HCLS1: variants seen among roughly 807,000 people sequenced by gnomAD.
The protein encoded by HCLS1 is hematopoietic lineage cell-specific protein.
A neutral mutation model predicts 68.6 loss-of-function variants in HCLS1; 44 were observed. The ratio of observed to expected loss-of-function variants is 0.64; its 90% CI spans 0.50 to 0.82. The LOEUF is 0.82. Among genes scored for constraint, HCLS1 ranks in the 40% least tolerant of loss-of-function variants. HCLS1 has a pLI of 0.00. For missense variants in HCLS1, 602 were observed against 612.1 expected (o/e 0.98, Z 0.17); for synonymous variants, 217 against 225.8 (o/e 0.96, Z 0.35).
chr3:121,634,836 T>G (rs1055566180), intron 9 of HCLS1, among the ~76,000 whole-genome samples: 1 of 152,272 alleles, frequency 6.6e-6, no homozygotes, highest in African/African-American at 2.4e-5. Context: ...CTTGCTGTGT[T>G]GCCCAGCCTC....
At chr3:121,642,414 A>G (rs1168815057) in intron 6 of HCLS1, among the ~76,000 whole-genome samples, 1 of 152,096 alleles carries the variant, frequency 6.6e-6, no homozygotes, top group Non-Finnish European at 1.5e-5. Context: ...GCTTGCGGTG[A>G]GCCAATATAG....
At position 121,635,807 on chromosome 3, in the gene HCLS1, G is replaced by T. The variant is rs1378641531; in HGVS notation, c.622-3C>A. ...ATTTCATTGAAGCCGACAGCGCTCT[G>T]CAGGCAGGAGAACAGCATGTGTGTT... On this transcript the variant is annotated splice_region_variant and splice_polypyrimidine_tract_variant and intron_variant, in intron 8 of 13. Transcript: ENST00000314583. 6.2e-7 allele frequency: 1 copy of T among 1,613,714 alleles called. No individual in the cohort carries two copies. The highest frequency in any genetic ancestry group is 1.1e-5 in the South Asian group (1 of 91,078).
At chr3:121,658,084 C>T (rs1393405952) in intron 2 of HCLS1, 180 bp downstream of exon 2, 1 of 577,892 alleles carries the variant, frequency 1.7e-6, no homozygotes, top group East Asian at 3.0e-5. Context: ...ATCCCTGATA[C>T]CAGGTATCGT....
At chr3:121,657,180 C>T (rs1937890234) in intron 3 of HCLS1, 99 bp downstream of exon 3, 1 of 932,684 alleles carries the variant, frequency 1.1e-6, no homozygotes, top group Non-Finnish European at 1.7e-6. Flanking sequence ...ACATGAACTA[C>T]CCTATCCTTT....
chr3:121,636,069 C>G (rs1381481594), intron 8 of HCLS1, among the ~76,000 whole-genome samples: 1 of 152,192 alleles, frequency 6.6e-6, no homozygotes, highest in Non-Finnish European at 1.5e-5. Context: ...TGTAGCAGGG[C>G]CCCCTGGCTC....
At chr3:121,640,523 T>A (rs1258630283) in intron 6 of HCLS1, among the ~76,000 whole-genome samples, 1 of 151,810 alleles carries the variant, frequency 6.6e-6, no homozygotes, top group Non-Finnish European at 1.5e-5. Flanking sequence ...AAAGTACATG[T>A]TTAAAATAAT....
In HCLS1 at chr3:121,647,457, A is replaced by C; in HGVS notation, c.159-9T>G. 1 of 1,613,930 alleles carries C rather than the reference A, an allele frequency of 6.2e-7. No individual in the cohort carries two copies. The highest frequency in any genetic ancestry group is 1.1e-5 in the South Asian group (1 of 91,068). On this transcript the variant is annotated splice_polypyrimidine_tract_variant and intron_variant, in intron 3 of 13. Coordinates refer to ENST00000314583, the MANE Select transcript of HCLS1 (RefSeq NM_005335.6). ...TCCTCAGCTGGTGGATGCTGGAAGA[A>C]ACCACATGACCAAGGCTCATCTATC...
In HCLS1 at chr3:121,658,449, C is replaced by A. The variant is rs549144235; in HGVS notation, c.1-102G>T. ...AAATATAGCAGCCCAATATTTCCTG[C>A]CATTTTTTTTTTCTTAGAAGAAAAT... On this transcript the variant is annotated intron_variant, in intron 1 of 13. Transcript: ENST00000314583. The A allele has an allele frequency of 3.8e-5, 33 of 869,188 alleles. No individual in the cohort carries two copies. The East Asian group carries it at 7.7e-4, about 20-fold the overall frequency. 53.8% of individuals were successfully genotyped at this position (869,188 alleles called of 1,614,324 possible). A position where few individuals can be genotyped will look rare whatever the true frequency, so the allele number is the denominator to read the frequency against.
At chr3:121,635,693 G>A in intron 9 of HCLS1, 42 bp downstream of exon 9, 1 of 1,473,158 alleles carries the variant, frequency 6.8e-7, no homozygotes, top group South Asian at 1.1e-5. Flanking sequence ...GAATGAGGGA[G>A]AAGGAAGTGA....
chr3:121,658,094 T>A, intron 2 of HCLS1, 170 bp downstream of exon 2: 1 of 609,776 alleles, frequency 1.6e-6, no homozygotes, highest in East Asian at 2.8e-5. Flanking sequence ...CCAGGTATCG[T>A]GCATGCCCCA....
intron 3 of HCLS1, among the ~76,000 whole-genome samples, chr3:121,656,509 T>C (rs973889822): frequency 6.6e-6 from 1 of 152,212 alleles, no homozygotes; most frequent in Non-Finnish European, 1.5e-5. Context: ...ATGTATGACA[T>C]ATCCCACAGA....
At chr3:121,641,606 T>C (rs1226288780) in intron 6 of HCLS1, among the ~76,000 whole-genome samples, 2 of 152,074 alleles carry the variant, frequency 1.3e-5, no homozygotes, top group Non-Finnish European at 2.9e-5. Flanking sequence ...ACAACAACAA[T>C]ATGGTTGGTT....
At chr3:121,654,845 C>G (rs371726106) in intron 3 of HCLS1, among the ~76,000 whole-genome samples, 10 of 152,202 alleles carry the variant, frequency 6.6e-5, no homozygotes, top group South Asian at 2.1e-4. Context: ...TTCCAAGGAC[C>G]ATGGTGATTC....
At position 121,658,311 on chromosome 3, in the gene HCLS1, A is replaced by G. The variant is rs763136883; in HGVS notation, c.37T>C (p.Ser13Pro). The G allele has an allele frequency of 6.2e-7, 1 of 1,614,064 alleles. No homozygotes were observed. Among genetic ancestry groups the G allele is most frequent in the South Asian group, 1.1e-5 (1 of 91,082 alleles). ...KSVVGHDVSV[S>P]VETQGDDWDT... is the part of the protein sequence containing the mutation. ...CAATCATCACCCTGGGTCTCCACGG[A>G]AACAGACACATCATGGCCCACTACA... The change falls in exon 2 of 14, where the codon TCC becomes CCC. Residue 13 changes from serine (S) to proline (P), a missense_variant. Physicochemically the swap from Ser to Pro is moderately conservative, Grantham distance 74 (BLOSUM62 -1). Transcript: ENST00000314583.
intron 3 of HCLS1, among the ~76,000 whole-genome samples, chr3:121,648,194 T>TTA (rs1937652334): frequency 6.6e-6 from 1 of 152,190 alleles, no homozygotes; most frequent in Non-Finnish European, 1.5e-5. Context: ...TAAGGACTAA[T>TTA]GAAAACTAAC....
At chr3:121,644,537 A>T (rs1241984523) in intron 5 of HCLS1, 1 of 525,990 alleles carries the variant, frequency 1.9e-6, no homozygotes, top group Non-Finnish European at 3.6e-6. Context: ...CTTCATGCAT[A>T]TGAGTATAAT....
chr3:121,644,554 C>G, intron 5 of HCLS1: 2 of 576,910 alleles, frequency 3.5e-6, no homozygotes, highest in East Asian at 3.6e-5. Context: ...TAATAAAAAC[C>G]AGTGGCTTGA....
intron 8 of HCLS1, among the ~76,000 whole-genome samples, chr3:121,636,153 T>C (rs1354539768): frequency 2.0e-5 from 3 of 152,066 alleles, no homozygotes; most frequent in Admixed American, 1.3e-4. Context: ...GGTTAAGCAA[T>C]GCCAAGAAAT....
chr3:121,646,406 AC>A, intron 4 of HCLS1, among the ~76,000 whole-genome samples: 1 of 91,256 alleles, frequency 1.1e-5, no homozygotes, highest in African/African-American at 4.3e-5. Flanking sequence ...GTAATATATT[AC>A]ATAGTAATAA....
Sources: gnomAD v4.1 joint callset for allele counts (sites outside exome capture counted in the v4.1 genomes callset) on GRCh38, gnomAD v4.1.1 for gene constraint, MANE v1.5 for transcripts, NCBI Gene and HGNC (gene_info 2026-07-23, HGNC 2026-07-21) for gene names.